The following PRDM2 variants were observed in gnomAD, a reference collection of about 807,000 sequenced individuals.
PRDM2 encodes the protein PR/SET domain 2.
A neutral mutation model predicts 130.0 loss-of-function variants in PRDM2; 30 were observed. The observed-to-expected ratio is 0.23, with a 90% CI of 0.17 to 0.31. PRDM2 has a LOEUF of 0.31. Ranked by LOEUF, PRDM2 falls within the 10% of genes least tolerant of loss-of-function variation. The probability of loss-of-function intolerance (pLI) is 1.00; values close to 1 mark genes in which losing one functional copy is unlikely to be tolerated. For synonymous variants in PRDM2, 871 were observed against 782.4 expected (o/e 1.11, Z -1.89); for missense variants, 2,011 against 2,108.4 (o/e 0.95, Z 0.90).
At chr1:13,755,854 G>C (rs541712936) in intron 6 of PRDM2, among the ~76,000 whole-genome samples, 2 of 151,804 alleles carry the variant, frequency 1.3e-5, no homozygotes, top group African/African-American at 4.8e-5. Flanking sequence ...GGTTGGACTC[G>C]AACTCCTGAG....
Position 13,780,985 on chromosome 1 carries a change from T to A in PRDM2, c.3190T>A (p.Phe1064Ile), listed in dbSNP as rs199772155. ...SSSSSSSSSS[F>I]SSSSSSSSPS... ...CTCTTCATCTTCCTCCTCCTCTTCG[T>A]TTTCTTCTTCATCTTCCTCCTCTTC... is the stretch of plus-strand genomic sequence containing the variant. Residue 1064 changes from phenylalanine (F) to isoleucine (I), a missense_variant, in exon 8 of 10, where the codon TTT becomes ATT. Phe to Ile is a conservative substitution (Grantham distance 21). Around this residue, in one of 5 missense-constraint regions of PRDM2, gnomAD observed 1,288 missense variants for 1,237.7 expected, o/e 1.04. Transcript: ENST00000311066. 3.0e-5 allele frequency: 48 copies of A among 1,602,008 alleles called. No individual in the cohort carries two copies. In the East Asian group the frequency reaches 1.1e-3, roughly 36 times the overall value.
chr1:13,805,283 C>T (rs1031302185), intron 8 of PRDM2, among the ~76,000 whole-genome samples: 4 of 152,302 alleles, frequency 2.6e-5, no homozygotes, highest in African/African-American at 7.2e-5. Flanking sequence ...CATTTTCCAG[C>T]GGCTACACAG....
At chr1:13,719,464 T>C (rs1398607226) in intron 2 of PRDM2, among the ~76,000 whole-genome samples, 3 of 152,170 alleles carry the variant, frequency 2.0e-5, no homozygotes, top group Non-Finnish European at 2.9e-5. Flanking sequence ...AAGCTGATTT[T>C]CATTTTTAGG....
At chr1:13,740,302 TC>T (rs1278558787) in intron 4 of PRDM2, among the ~76,000 whole-genome samples, 1 of 152,240 alleles carries the variant, frequency 6.6e-6, no homozygotes, top group African/African-American at 2.4e-5. Context: ...CTCCGTAGTC[TC>T]ATCAGTCTCA....
chr1:13,808,274 G>A (rs1472136722), intron 8 of PRDM2, among the ~76,000 whole-genome samples: 3 of 152,078 alleles, frequency 2.0e-5, no homozygotes, highest in African/African-American at 7.2e-5. Flanking sequence ...GGCGGATCAC[G>A]AGGTCAGGAG....
chr1:13,748,399 G>A (rs1248107304), intron 5 of PRDM2, among the ~76,000 whole-genome samples: 1 of 152,180 alleles, frequency 6.6e-6, no homozygotes, highest in Non-Finnish European at 1.5e-5. Context: ...TCTCCTTTAA[G>A]GAAGAGCTTT....
intron 7 of PRDM2, among the ~76,000 whole-genome samples, chr1:13,775,469 C>T (rs1644455174): frequency 6.6e-6 from 1 of 152,104 alleles, no homozygotes; most frequent in African/African-American, 2.4e-5. Flanking sequence ...TTACTACTGT[C>T]GAATGACTGG....
At chr1:13,725,120 G>A (rs976788712) in intron 2 of PRDM2, among the ~76,000 whole-genome samples, 1 of 152,152 alleles carries the variant, frequency 6.6e-6, no homozygotes, top group African/African-American at 2.4e-5. Flanking sequence ...ATCTATGGAT[G>A]TTTACCATAT....
chr1:13,809,930 C>T (rs1645144407), intron 8 of PRDM2, among the ~76,000 whole-genome samples: 1 of 152,186 alleles, frequency 6.6e-6, no homozygotes, highest in Non-Finnish European at 1.5e-5. Context: ...TCGAGGCTCT[C>T]TTCCTGGTTC....
At chr1:13,791,560 C>T (rs1018538230) in intron 8 of PRDM2, among the ~76,000 whole-genome samples, 4 of 152,142 alleles carry the variant, frequency 2.6e-5, no homozygotes, top group African/African-American at 7.2e-5. Context: ...GGCTGCCTCC[C>T]GACTTCAGCA....
intron 6 of PRDM2, among the ~76,000 whole-genome samples, chr1:13,760,439 G>A (rs1409707138): frequency 6.6e-6 from 1 of 152,140 alleles, no homozygotes; most frequent in African/African-American, 2.4e-5. Context: ...CTTTGAAAAT[G>A]GATAGCTTGT....
intron 1 of PRDM2, among the ~76,000 whole-genome samples, chr1:13,700,688 G>T (rs1642046895): frequency 6.6e-6 from 1 of 152,030 alleles, no homozygotes; most frequent in Non-Finnish European, 1.5e-5. Context: ...GCCGGGCGCC[G>T]TCCCAATTGT....
intron 5 of PRDM2, among the ~76,000 whole-genome samples, chr1:13,744,824 T>G (rs918439505): frequency 6.6e-6 from 1 of 152,172 alleles, no homozygotes; most frequent in Non-Finnish European, 1.5e-5. Context: ...GCCTTTCAGA[T>G]TTTTTACTAG....
chr1:13,767,448 C>T (rs1298308356), intron 6 of PRDM2, among the ~76,000 whole-genome samples: 4 of 151,128 alleles, frequency 2.6e-5, no homozygotes, highest in Admixed American at 6.6e-5. Context: ...TACACCACCA[C>T]GCACAGCTAA....
intron 9 of PRDM2, among the ~76,000 whole-genome samples, chr1:13,820,177 G>C (rs1006311293): frequency 6.6e-6 from 1 of 152,182 alleles, no homozygotes; most frequent in Non-Finnish European, 1.5e-5. Context: ...GCAAAACTGT[G>C]TGTGCATGTG....
At chr1:13,727,198 C>T (rs1479642442) in intron 2 of PRDM2, among the ~76,000 whole-genome samples, 1 of 152,108 alleles carries the variant, frequency 6.6e-6, no homozygotes, top group Non-Finnish European at 1.5e-5. Flanking sequence ...CACAGATTCC[C>T]TTTCTACTTC....
At chr1:13,723,709 C>T (rs916444391) in intron 2 of PRDM2, among the ~76,000 whole-genome samples, 1 of 152,188 alleles carries the variant, frequency 6.6e-6, no homozygotes, top group Non-Finnish European at 1.5e-5. Context: ...GCTGTTCTCT[C>T]CTCTGCTTTC....
intron 8 of PRDM2, among the ~76,000 whole-genome samples, chr1:13,793,425 G>A (rs1007698611): frequency 3.9e-5 from 6 of 152,204 alleles, no homozygotes; most frequent in Non-Finnish European, 5.9e-5. Context: ...AGCCGGCCCC[G>A]GGTGGAAAGG....
chr1:13,785,541 G>A (rs1192656183), intron 8 of PRDM2, among the ~76,000 whole-genome samples: 3 of 152,108 alleles, frequency 2.0e-5, no homozygotes, highest in African/African-American at 7.2e-5. Flanking sequence ...TGGAACACAA[G>A]CCATGGTGCC....
Sources: gnomAD v4.1 joint callset for allele counts (sites outside exome capture counted in the v4.1 genomes callset) on GRCh38, gnomAD v4.1.1 for gene constraint, gnomAD v4.1.1 regional missense constraint, MANE v1.5 for transcripts, NCBI Gene and HGNC (gene_info 2026-07-23, HGNC 2026-07-21) for gene names.